LMO7: variants seen among roughly 807,000 people sequenced by gnomAD.
LMO7 encodes LIM domain only protein 7.
In LMO7, 120 loss-of-function variants were observed where a neutral mutation model predicts 206.5. That is an observed-to-expected ratio of 0.58 (90% CI 0.50 to 0.68). LMO7 has a LOEUF of 0.68. Ranked by LOEUF, LMO7 falls within the 30% of genes least tolerant of loss-of-function variation. LMO7 has a pLI of 0.00. For missense variants in LMO7, 1,959 were observed against 1,957.9 expected (o/e 1.00, Z -0.01); for synonymous variants, 706 against 681.5 (o/e 1.04, Z -0.56).
At chr13:75,634,836 T>G (rs2035538625), upstream of LMO7, among the ~76,000 whole-genome samples, 1 of 150,798 alleles carries the variant, frequency 6.6e-6, no homozygotes, top group South Asian at 2.1e-4. Flanking sequence ...TGAAACCCCG[T>G]CTCTACTAAA....
chr13:75,691,784 C>A (rs1401781838), intron 1 of LMO7, among the ~76,000 whole-genome samples: 2 of 152,084 alleles, frequency 1.3e-5, no homozygotes, highest in Non-Finnish European at 2.9e-5. Context: ...AACATCCCTC[C>A]TCCTCATTAG....
chr13:75,704,156 C>G (rs1221379767), intron 1 of LMO7, among the ~76,000 whole-genome samples: 1 of 152,138 alleles, frequency 6.6e-6, no homozygotes, highest in African/African-American at 2.4e-5. Context: ...TGTATACCAG[C>G]CTGGGGCTTC....
At chr13:75,779,667 G>C (rs1000321126) in intron 4 of LMO7, among the ~76,000 whole-genome samples, 1 of 152,184 alleles carries the variant, frequency 6.6e-6, no homozygotes, top group African/African-American at 2.4e-5. Flanking sequence ...GCATGCATTT[G>C]TGTATATATA....
exon 1 of LMO7, chr13:75,621,859 A>G: frequency 1.3e-6 from 2 of 1,594,674 alleles, no homozygotes; most frequent in Non-Finnish European, 1.7e-6. Flanking sequence ...CAGAGTCTGC[A>G]GCAAAAAAGG....
chr13:75,761,812 T>C (rs1283810106), intron 4 of LMO7, among the ~76,000 whole-genome samples: 3 of 152,176 alleles, frequency 2.0e-5, no homozygotes, highest in African/African-American at 4.8e-5. Flanking sequence ...ACTATCTCTT[T>C]GTCATCCTGC....
intron 4 of LMO7, among the ~76,000 whole-genome samples, chr13:75,777,517 T>G (rs1392255441): frequency 6.6e-6 from 1 of 152,238 alleles, no homozygotes; most frequent in Non-Finnish European, 1.5e-5. Context: ...TCACTACTTT[T>G]GTGGAAAATA....
chr13:75,762,805 C>A (rs1213189017), intron 4 of LMO7, among the ~76,000 whole-genome samples: 1 of 152,110 alleles, frequency 6.6e-6, no homozygotes, highest in African/African-American at 2.4e-5. Flanking sequence ...CACTTAAGAA[C>A]ATTTCTCCTG....
intron 1 of LMO7, among the ~76,000 whole-genome samples, chr13:75,669,251 G>A (rs1248712737): frequency 6.6e-6 from 1 of 152,212 alleles, no homozygotes; most frequent in Non-Finnish European, 1.5e-5. Flanking sequence ...TTGTGAGTGT[G>A]TGTGTAAGAG....
At chr13:75,752,485 C>T (rs1441851422) in intron 3 of LMO7, among the ~76,000 whole-genome samples, 9 of 152,124 alleles carry the variant, frequency 5.9e-5, no homozygotes, top group Admixed American at 5.9e-4. Context: ...AATTTTCCTA[C>T]CTTAATATAT....
intron 1 of LMO7, among the ~76,000 whole-genome samples, chr13:75,666,709 C>A (rs2039098772): frequency 6.6e-6 from 1 of 152,272 alleles, no homozygotes; most frequent in East Asian, 1.9e-4. Flanking sequence ...CCCTGAGATT[C>A]AAAAGTTTGA....
At chr13:75,654,701 A>G (rs908804738) in intron 1 of LMO7, among the ~76,000 whole-genome samples, 6 of 152,102 alleles carry the variant, frequency 3.9e-5, no homozygotes, top group African/African-American at 1.2e-4. Context: ...GATTTTCCTT[A>G]CTTAACATTA....
At chr13:75,664,526 C>T (rs950862691) in intron 1 of LMO7, among the ~76,000 whole-genome samples, 1 of 151,956 alleles carries the variant, frequency 6.6e-6, no homozygotes, top group Non-Finnish European at 1.5e-5. Flanking sequence ...GATTTCCTTT[C>T]TTTTGTGTAT....
chr13:75,688,385 C>G (rs925486236), intron 1 of LMO7, among the ~76,000 whole-genome samples: 1 of 152,192 alleles, frequency 6.6e-6, no homozygotes, highest in African/African-American at 2.4e-5. Context: ...ATTCACTTCA[C>G]TGGGATAAAC....
At chr13:75,673,416 C>T (rs1450898184) in intron 1 of LMO7, among the ~76,000 whole-genome samples, 6 of 152,104 alleles carry the variant, frequency 3.9e-5, no homozygotes, top group South Asian at 4.1e-4. Context: ...ATTGCCTTGC[C>T]GGTAAAGAGG....
chr13:75,696,340 G>A (rs2041901663), intron 1 of LMO7, among the ~76,000 whole-genome samples: 1 of 151,256 alleles, frequency 6.6e-6, no homozygotes, highest in Non-Finnish European at 1.5e-5. Context: ...GGGCGACAGA[G>A]TGAGACTCCA....
intron 1 of LMO7, among the ~76,000 whole-genome samples, chr13:75,662,841 A>G (rs554088859): frequency 6.6e-6 from 1 of 152,308 alleles, no homozygotes; most frequent in African/African-American, 2.4e-5. Flanking sequence ...CAAAAATGTT[A>G]ATGTAACTGG....
chr13:75,796,843 T>C, intron 6 of LMO7, 94 bp downstream of exon 6: 1 of 790,196 alleles, frequency 1.3e-6, no homozygotes, highest in Non-Finnish European at 2.1e-6. Flanking sequence ...TTCTCCTCTA[T>C]AACAAATATG....
intron 4 of LMO7, among the ~76,000 whole-genome samples, chr13:75,778,319 G>A (rs577646406): frequency 6.6e-6 from 1 of 151,980 alleles, no homozygotes; most frequent in South Asian, 2.1e-4. Context: ...TGCAACCTCC[G>A]CCTCCCAGGT....
intron 3 of LMO7, among the ~76,000 whole-genome samples, chr13:75,751,950 G>A (rs781074343): frequency 2.0e-5 from 3 of 152,092 alleles, no homozygotes; most frequent in Non-Finnish European, 2.9e-5. Flanking sequence ...TCAAGTAAAA[G>A]TGAAAGTGAC....
Sources: allele counts gnomAD v4.1 joint callset (sites outside exome capture counted in the v4.1 genomes callset), GRCh38; gene constraint gnomAD v4.1.1; transcripts MANE v1.5; gene names NCBI Gene and HGNC (gene_info 2026-07-23, HGNC 2026-07-21).